PCSK1: variants seen among roughly 807,000 people sequenced by gnomAD.
The protein encoded by PCSK1 is proprotein convertase subtilisin/kexin type 1.
A neutral mutation model predicts 90.6 loss-of-function variants in PCSK1; 56 were observed. The ratio of observed to expected loss-of-function variants is 0.62; its 90% CI spans 0.50 to 0.77. The LOEUF (loss-of-function observed/expected upper bound fraction) is 0.77. Ranked by LOEUF, PCSK1 falls within the 30% of genes least tolerant of loss-of-function variation. PCSK1 has a pLI of 0.00. For synonymous variants in PCSK1, 348 were observed against 342.4 expected (o/e 1.02, Z -0.18); for missense variants, 801 against 932.6 (o/e 0.86, Z 1.84).
chr5:96,427,805 C>T (rs1174463183), intron 2 of PCSK1, among the ~76,000 whole-genome samples: 1 of 152,188 alleles, frequency 6.6e-6, no homozygotes, highest in Non-Finnish European at 1.5e-5. Context: ...AAGGAAATCT[C>T]TCTTCTGCTT....
intron 5 of PCSK1, among the ~76,000 whole-genome samples, chr5:96,420,860 G>T (rs1761106361): frequency 6.6e-6 from 1 of 152,112 alleles, no homozygotes; most frequent in Non-Finnish European, 1.5e-5. Flanking sequence ...AAGAGACAGT[G>T]CCATCCAGAG....
At chr5:96,394,206 C>A (rs1296474579) in intron 13 of PCSK1, among the ~76,000 whole-genome samples, 1 of 152,190 alleles carries the variant, frequency 6.6e-6, no homozygotes, top group African/African-American at 2.4e-5. Context: ...ACCTGAGGCA[C>A]TGTGCTAGAT....
At chr5:96,417,556 C>T (rs928017494) in intron 5 of PCSK1, among the ~76,000 whole-genome samples, 4 of 151,938 alleles carry the variant, frequency 2.6e-5, no homozygotes, top group Non-Finnish European at 5.9e-5. Context: ...ATGGGTCTTG[C>T]TCTGCCAGGC....
chr5:96,402,389 A>G (rs1421805408), intron 9 of PCSK1, among the ~76,000 whole-genome samples: 1 of 152,110 alleles, frequency 6.6e-6, no homozygotes, highest in Non-Finnish European at 1.5e-5. Context: ...CCATATTGAC[A>G]TTCCTAGCTG....
intron 8 of PCSK1, among the ~76,000 whole-genome samples, chr5:96,409,502 C>T (rs1157217011): frequency 3.9e-5 from 6 of 152,164 alleles, no homozygotes; most frequent in Non-Finnish European, 7.4e-5. Flanking sequence ...AAATAGAATC[C>T]ACCAGCTGTC....
chr5:96,395,110 T>C, intron 12 of PCSK1, 85 bp from the exon 13 acceptor site: 1 of 1,068,060 alleles, frequency 9.4e-7, no homozygotes, highest in Admixed American at 1.7e-5. Flanking sequence ...AGGATTTCAT[T>C]GTTAAAATCT....
chr5:96,432,731 G>A (rs1761545139), intron 1 of PCSK1, 132 bp downstream of exon 1: 1 of 718,760 alleles, frequency 1.4e-6, no homozygotes, highest in Admixed American at 2.4e-5. Context: ...GGCGAGGGCT[G>A]GAGCAGCTCC....
Position 96,408,251 on chromosome 5 carries a change from C to T in PCSK1, c.1168G>A (p.Gly390Ser), listed in dbSNP as rs567641208. Reference protein sequence around the residue: ...GTSASAPLAAGIFALALEANP... With the variant: ...GTSASAPLAASIFALALEANP... ...GCTTCCAGGGCCAGAGCGAAGATGC[C>T]AGCAGCCAGAGGTGCAGAGGCCGAG... is the stretch of plus-strand genomic sequence containing the variant. Residue 390 changes from glycine (G) to serine (S), a missense_variant, in exon 9 of 14, where the codon GGC (glycine) becomes AGC (serine). By Grantham distance (56) the Gly-to-Ser change is moderately conservative. Transcript: ENST00000311106. The T allele has an allele frequency of 6.2e-6, 10 of 1,614,038 alleles. No homozygotes were observed. In the Admixed American group the frequency reaches 1.3e-4, roughly 22 times the overall value.
chr5:96,425,748 T>A, intron 3 of PCSK1, 72 bp downstream of exon 3: 4 of 816,640 alleles, frequency 4.9e-6, no homozygotes, highest in African/African-American at 1.7e-5. Flanking sequence ...AAAAAATCCA[T>A]GTTGCAAATG....
rs531703714 is a variant in PCSK1, at chr5:96,425,007, GA to G, written c.396+812del. On this transcript the variant is annotated intron_variant, in intron 3 of 13. Transcript: ENST00000311106. ...AAAGAAAGAAAGAAAGAGAAAGAAA[GA>G]AAAGAAAGAAAGAAAGAAAGAAAGA... Among the ~76,000 whole-genome samples the G allele has an allele frequency of 3.3e-4, 22 of 66,944 alleles. No individual in the cohort carries two copies. In the Middle Eastern group the frequency reaches 0.032, roughly 96 times the overall value. The allele number at this position is 66,944 out of a possible 152,430, so 43.9% of individuals were successfully genotyped here.
At chr5:96,423,551 T>C (rs1385257336) in intron 3 of PCSK1, 92 bp from the exon 4 acceptor site, 2 of 1,168,792 alleles carry the variant, frequency 1.7e-6, no homozygotes, top group African/African-American at 1.5e-5. Context: ...CCCATCTTTC[T>C]TTTTCCTTGG....
At chr5:96,406,602 A>G (rs1430167419) in intron 9 of PCSK1, among the ~76,000 whole-genome samples, 1 of 152,212 alleles carries the variant, frequency 6.6e-6, no homozygotes, top group Non-Finnish European at 1.5e-5. Flanking sequence ...AGGAAGCCCC[A>G]GGGATCCTAG....
chr5:96,394,468 C>A (rs925164281), intron 13 of PCSK1, among the ~76,000 whole-genome samples: 2 of 152,120 alleles, frequency 1.3e-5, no homozygotes, highest in Non-Finnish European at 2.9e-5. Flanking sequence ...AATGGATACA[C>A]GAATGTCTAT....
Position 96,392,789 on chromosome 5 carries a change from T to A in PCSK1, c.*212A>T, listed in dbSNP as rs1759989889. 2 of 610,462 alleles carry A rather than the reference T, an allele frequency of 3.3e-6. No individual in the cohort carries two copies. Among genetic ancestry groups the A allele is most frequent in the African/African-American group, 3.7e-5 (2 of 53,990 alleles). The allele number at this position is 610,462 out of a possible 1,614,324, so 37.8% of individuals were successfully genotyped here. A position where few individuals can be genotyped will look rare whatever the true frequency, so the allele number is the denominator to read the frequency against. ...TTCACTTGTGCAGACAGGAAAGATG[T>A]GTTTTGAAATACCTATGATCAATTC... On this transcript the variant is annotated 3_prime_UTR_variant, in exon 14 of 14. Coordinates refer to ENST00000311106, the MANE Select transcript of PCSK1 (RefSeq NM_000439.5).
At chr5:96,401,018 C>T (rs1172883550) in intron 9 of PCSK1, among the ~76,000 whole-genome samples, 5 of 119,380 alleles carry the variant, frequency 4.2e-5, no homozygotes, top group Non-Finnish European at 3.3e-5. Flanking sequence ...ACCTGGGAGG[C>T]GGAGCTTGCA....
intron 6 of PCSK1, among the ~76,000 whole-genome samples, chr5:96,415,788 C>T (rs796383276): frequency 6.1e-5 from 8 of 130,112 alleles, no homozygotes; most frequent in African/African-American, 2.0e-4. Flanking sequence ...GGTTCAAATG[C>T]TATTCAACAT....
intron 8 of PCSK1, among the ~76,000 whole-genome samples, chr5:96,409,969 G>A (rs774277150): frequency 6.6e-6 from 1 of 152,054 alleles, no homozygotes; most frequent in Non-Finnish European, 1.5e-5. Context: ...ATTATTATAG[G>A]GTTCACCCAC....
intron 8 of PCSK1, among the ~76,000 whole-genome samples, chr5:96,410,543 C>A (rs1760719763): frequency 6.6e-6 from 1 of 151,916 alleles, no homozygotes; most frequent in African/African-American, 2.4e-5. Flanking sequence ...CTTCTCAAGG[C>A]TGGGTTTAAA....
Position 96,392,897 on chromosome 5 carries a change from T to A in PCSK1, c.*104A>T, listed in dbSNP as rs1759995205. ...AAAGAAAAGGTGCCACAAAGGATAT[T>A]ATAAGCATAAGAATTCATGACAAAA... is the stretch of plus-strand genomic sequence containing the variant. On this transcript the variant is annotated 3_prime_UTR_variant, in exon 14 of 14. Coordinates refer to ENST00000311106, the MANE Select transcript of PCSK1 (RefSeq NM_000439.5). 1 of 1,155,812 alleles carries A rather than the reference T, an allele frequency of 8.7e-7. No homozygotes were observed. Among genetic ancestry groups the A allele is most frequent in the South Asian group, 1.2e-5 (1 of 80,066 alleles). 71.6% of individuals were successfully genotyped at this position (1,155,812 alleles called of 1,614,324 possible). A position where few individuals can be genotyped will look rare whatever the true frequency, so the allele number is the denominator to read the frequency against.
Sources: gnomAD v4.1 joint callset for allele counts (sites outside exome capture counted in the v4.1 genomes callset) on GRCh38, gnomAD v4.1.1 for gene constraint, MANE v1.5 for transcripts, NCBI Gene and HGNC (gene_info 2026-07-23, HGNC 2026-07-21) for gene names.